PLEKHB2: variants seen among roughly 807,000 people sequenced by gnomAD.
PLEKHB2 encodes the protein pleckstrin homology domain-containing family B member 2.
PLEKHB2 carries 31 observed loss-of-function variants against 36.5 expected under a neutral mutation model. The observed-to-expected ratio is 0.85, with a 90% confidence interval of 0.64 to 1.15. PLEKHB2 has a LOEUF of 1.15. Among genes scored for constraint, PLEKHB2 ranks in the 50% most tolerant of loss-of-function variants. The probability of loss-of-function intolerance (pLI) is 0.00; values close to 1 mark genes in which losing one functional copy is unlikely to be tolerated. For synonymous variants in PLEKHB2, 119 were observed against 112.0 expected (o/e 1.06, Z -0.39); for missense variants, 262 against 295.3 (o/e 0.89, Z 0.83).
Position 131,126,895 on chromosome 2 carries a change from A to G in PLEKHB2, c.293+109A>G, listed in dbSNP as rs1697157569. On this transcript the variant is annotated intron_variant, in intron 4 of 7. Transcript: ENST00000693505. ...GTGGAGTTTTCTTTCAGGCATCAGA[A>G]TAAGGGACTCAGTGGATGTATGAGA... 6.0e-6 allele frequency: 4 copies of G among 663,988 alleles called. 1 individual carries two copies. The highest frequency in any genetic ancestry group is 5.2e-5 in the South Asian group (3 of 57,166). 41.1% of individuals were successfully genotyped at this position (663,988 alleles called of 1,614,324 possible). A position where few individuals can be genotyped will look rare whatever the true frequency, so the allele number is the denominator to read the frequency against.
chr2:131,115,980 T>C (rs540610698), intron 1 of PLEKHB2, among the ~76,000 whole-genome samples: 1 of 152,258 alleles, frequency 6.6e-6, no homozygotes, highest in Admixed American at 6.5e-5. Flanking sequence ...GGGAGGTACA[T>C]GAGATTGTTC....
chr2:131,140,138 G>C, intron 6 of PLEKHB2, 29 bp from the exon 7 acceptor site: 1 of 1,373,338 alleles, frequency 7.3e-7, no homozygotes, highest in Non-Finnish European at 1.0e-6. Flanking sequence ...TTTCACAATT[G>C]TATTTCTAAT....
At chr2:131,138,265 T>C (rs1162035805) in intron 6 of PLEKHB2, among the ~76,000 whole-genome samples, 2 of 152,122 alleles carry the variant, frequency 1.3e-5, no homozygotes, top group Non-Finnish European at 2.9e-5. Flanking sequence ...TTTACTGAGA[T>C]TTTTCTGTTT....
In PLEKHB2 at chr2:131,112,114, C is replaced by T. The variant is rs1243211040; in HGVS notation, c.-9+6716C>T. ...TGCGACTTTAGAGGGTTGGAACTTT[C>T]ATGTCTGCCCCCCAACCTTCCAGGA... On this transcript the variant is annotated intron_variant, in intron 1 of 7. Transcript: ENST00000693505. Among the ~76,000 whole-genome samples, 5 of 152,322 alleles carry T rather than the reference C, an allele frequency of 3.3e-5. No individual in the cohort carries two copies. The East Asian group carries it at 9.6e-4, about 29-fold the overall frequency.
intron 2 of PLEKHB2, among the ~76,000 whole-genome samples, chr2:131,121,903 T>A (rs1559067338): frequency 6.6e-6 from 1 of 151,708 alleles, no homozygotes; most frequent in African/African-American, 2.4e-5. Flanking sequence ...TGTGTTTTAT[T>A]TTTATTTATT....
chr2:131,130,587 C>T (rs192351782), intron 4 of PLEKHB2, 134 bp from the exon 5 acceptor site: 37 of 710,722 alleles, frequency 5.2e-5, no homozygotes, highest in Non-Finnish European at 9.4e-5. Flanking sequence ...GTGCATGTCT[C>T]AAGTGGTTTG....
intron 1 of PLEKHB2, among the ~76,000 whole-genome samples, chr2:131,110,839 T>C (rs774239820): frequency 6.6e-6 from 1 of 152,242 alleles, no homozygotes; most frequent in African/African-American, 2.4e-5. Flanking sequence ...CTTGATGTTA[T>C]GAAATTTCAG....
intron 4 of PLEKHB2, among the ~76,000 whole-genome samples, chr2:131,128,341 A>T (rs1697303920): frequency 6.6e-6 from 1 of 152,210 alleles, no homozygotes; most frequent in Non-Finnish European, 1.5e-5. Flanking sequence ...CATGAAGGAA[A>T]AATAAGAAAA....
intron 1 of PLEKHB2, among the ~76,000 whole-genome samples, chr2:131,107,164 C>T (rs569887398): frequency 6.6e-6 from 1 of 152,304 alleles, no homozygotes; most frequent in Admixed American, 6.5e-5. Flanking sequence ...AAAGAATTAC[C>T]TTATTAATAA....
Position 131,132,422 on chromosome 2 carries a change from T to G in PLEKHB2, c.334-480T>G, listed in dbSNP as rs544532097. 2.0e-5 allele frequency among the ~76,000 whole-genome samples: 3 copies of G among 152,226 alleles called. No individual in the cohort carries two copies. The South Asian group carries it at 6.2e-4, about 32-fold the overall frequency. ...CCTGGGCTCGAGTGATCCTTGAGAC[T>G]TAGCCTTCTGAGTAGCTGGGGCCAT... On this transcript the variant is annotated intron_variant, in intron 5 of 7. Coordinates refer to ENST00000693505, the MANE Select transcript of PLEKHB2 (RefSeq NM_001100623.2).
chr2:131,146,282 T>C (rs1336077644), intron 7 of PLEKHB2, among the ~76,000 whole-genome samples: 1 of 152,198 alleles, frequency 6.6e-6, no homozygotes, highest in African/African-American at 2.4e-5. Context: ...CATTTCCTTT[T>C]TGGGCTTTTG....
Position 131,146,694 on chromosome 2 carries a change from A to T in PLEKHB2, c.590A>T (p.Asn197Ile), listed in dbSNP as rs1573648377. 6 of 1,613,844 alleles carry T rather than the reference A, an allele frequency of 3.7e-6. No individual in the cohort carries two copies. The Admixed American group carries it at 1.0e-4, about 27-fold the overall frequency. Reference protein sequence around the residue: ...QVIIRERYRDNDSDLALGMLA... With the variant: ...QVIIRERYRDIDSDLALGMLA... ...ATCATTCGAGAGCGCTATCGAGACA[A>T]CGACAGCGACCTGGCACTGGGCATG... Residue 197 changes from asparagine to isoleucine, a missense_variant, in exon 8 of 8, where the codon AAC becomes ATC. Coordinates refer to ENST00000693505, the MANE Select transcript of PLEKHB2 (RefSeq NM_001100623.2).
At chr2:131,106,322 G>A (rs1694729456) in intron 1 of PLEKHB2, among the ~76,000 whole-genome samples, 1 of 152,128 alleles carries the variant, frequency 6.6e-6, no homozygotes, top group Non-Finnish European at 1.5e-5. Context: ...CACCACCGAG[G>A]GAGGAGGGCT....
intron 1 of PLEKHB2, among the ~76,000 whole-genome samples, chr2:131,105,954 C>T (rs192563073): frequency 1.3e-5 from 2 of 152,194 alleles, no homozygotes; most frequent in Non-Finnish European, 2.9e-5. Flanking sequence ...CCTTAAGTCC[C>T]GGGGGGCGTT....
intron 1 of PLEKHB2, among the ~76,000 whole-genome samples, chr2:131,119,178 C>T (rs1325689282): frequency 2.6e-5 from 4 of 152,050 alleles, no homozygotes; most frequent in African/African-American, 9.6e-5. Context: ...ATTGCTTGAA[C>T]GTGGAAGGTG....
In PLEKHB2 at chr2:131,136,290, T is replaced by C. The variant is rs545887792; in HGVS notation, c.423+3299T>C. Among the ~76,000 whole-genome samples, 30 of 150,262 alleles carry C rather than the reference T, an allele frequency of 2.0e-4. 2 individuals carry two copies. In the South Asian group the frequency reaches 3.8e-3, roughly 19 times the overall value. On this transcript the variant is annotated intron_variant, in intron 6 of 7. Coordinates refer to ENST00000693505, the MANE Select transcript of PLEKHB2 (RefSeq NM_001100623.2). Reference sequence around the variant, plus strand: ...TGCCCAGGATGGAGTGCAGTGGTACTATCATTAGCTCACTTCAGCCTGGAA... The same window carrying C: ...TGCCCAGGATGGAGTGCAGTGGTACCATCATTAGCTCACTTCAGCCTGGAA...
intron 1 of PLEKHB2, among the ~76,000 whole-genome samples, chr2:131,105,904 G>C (rs1175659479): frequency 1.3e-5 from 2 of 152,166 alleles, no homozygotes; most frequent in Non-Finnish European, 2.9e-5. Flanking sequence ...CTGCTCCAGG[G>C]AACTTGCCTT....
intron 6 of PLEKHB2, among the ~76,000 whole-genome samples, chr2:131,137,752 ATTC>A (rs1314793999): frequency 1.3e-5 from 2 of 151,674 alleles, no homozygotes; most frequent in Non-Finnish European, 2.9e-5. Context: ...CATTGATTCT[ATTC>A]TTTTATTTCT....
At chr2:131,112,385 A>G (rs1393847841) in intron 1 of PLEKHB2, among the ~76,000 whole-genome samples, 1 of 152,226 alleles carries the variant, frequency 6.6e-6, no homozygotes, top group African/African-American at 2.4e-5. Context: ...ACTGGTAAAT[A>G]TAAGTCATTG....
Sources: allele counts gnomAD v4.1 joint callset (sites outside exome capture counted in the v4.1 genomes callset), GRCh38; gene constraint gnomAD v4.1.1; transcripts MANE v1.5; gene names NCBI Gene and HGNC (gene_info 2026-07-23, HGNC 2026-07-21).